Variants in LRRC3C observed in about 807,000 individuals in gnomAD.
LRRC3C encodes leucine-rich repeat-containing protein 3C.
A neutral mutation model predicts 14.8 loss-of-function variants in LRRC3C; 11 were observed. That is an observed-to-expected ratio of 0.74 (90% CI 0.47 to 1.23). The LOEUF (loss-of-function observed/expected upper bound fraction) is 1.23, where lower values mean the gene tolerates loss of function less well. LRRC3C is among the 50% of genes most tolerant of loss of function. The probability of loss-of-function intolerance (pLI) is 0.00; values close to 1 mark genes in which losing one functional copy is unlikely to be tolerated. For missense variants in LRRC3C, 354 were observed against 361.8 expected, an observed-to-expected ratio of 0.98 and a Z score of 0.18; for synonymous variants, 149 against 161.5, an observed-to-expected ratio of 0.92 and a Z score of 0.59.
intron 3 of LRRC3C, 100 bp downstream of exon 3, chr17:39,941,649 T>G: frequency 9.8e-7 from 1 of 1,018,718 alleles, no homozygotes; most frequent in Non-Finnish European, 1.5e-6. Flanking sequence ...TACAATACAA[T>G]ACCGTGGGTA....
chr17:39,934,726 T>G (rs756247373), intron 1 of LRRC3C: 1 of 152,008 alleles, frequency 6.6e-6, no homozygotes, highest in Non-Finnish European at 1.5e-5. Context: ...GAATTCAGGG[T>G]GAGTCCACAG....
intron 1 of LRRC3C, among the ~76,000 whole-genome samples, chr17:39,933,602 G>A (rs1350913070): frequency 5.9e-5 from 9 of 152,016 alleles, no homozygotes; most frequent in African/African-American, 9.7e-5. Flanking sequence ...GCGTGGTGGC[G>A]GGCGCCTGTA....
chr17:39,935,362 G>C (rs1978768114), intron 1 of LRRC3C, among the ~76,000 whole-genome samples: 1 of 152,070 alleles, frequency 6.6e-6, no homozygotes, highest in East Asian at 1.9e-4. Flanking sequence ...CCAGGCTGCT[G>C]TGACCCTGGC....
In LRRC3C at chr17:39,944,254, C is replaced by T; in HGVS notation, c.348C>T (p.Ala116=). Residue 116 remains alanine, a synonymous_variant, in exon 4 of 4, where the codon GCC becomes GCT. Transcript: ENST00000377924. ...EELDLSHNAL[A]HLSGAAFQGL... ...TGGATCTGTCCCATAATGCCCTTGC[C>T]CACCTCTCAGGGGCGGCTTTCCAGG... is the stretch of plus-strand genomic sequence containing the variant. The T allele has an allele frequency of 1.3e-6, 2 of 1,535,010 alleles. No homozygotes were observed. Among genetic ancestry groups the T allele is most frequent in the Non-Finnish European group, 1.7e-6 (2 of 1,146,350 alleles).
chr17:39,930,600 C>A (rs985558177), intron 1 of LRRC3C, among the ~76,000 whole-genome samples: 1 of 140,578 alleles, frequency 7.1e-6, no homozygotes, highest in African/African-American at 2.7e-5. Flanking sequence ...CCCAGCTACT[C>A]AGGAGGCTGA....
At position 39,944,592 on chromosome 17, in the gene LRRC3C, T is replaced by C. The variant is rs1979037921; in HGVS notation, c.686T>C (p.Met229Thr). 2 of 1,535,206 alleles carry C rather than the reference T, an allele frequency of 1.3e-6. No homozygotes were observed. The highest frequency in any genetic ancestry group is 1.4e-5 in the African/African-American group (1 of 73,070). Residue 229 changes from methionine (M) to threonine (T), a missense_variant, in exon 4 of 4, where the codon ATG becomes ACG. Physicochemically the swap from Met to Thr is moderately conservative, Grantham distance 81. Coordinates refer to ENST00000377924, the MANE Select transcript of LRRC3C (RefSeq NM_001195545.2). The stretch of plus-strand genomic sequence containing the variant: ...ACCGATGTGGCCCTGCTGGTCACCA[T>C]GGGGGGCTGGCTGACACTCATGGTG... Reference protein sequence around the residue: ...RSTDVALLVTMGGWLTLMVAY... With the variant: ...RSTDVALLVTTGGWLTLMVAY...
chr17:39,928,948 A>G (rs1978567685), intron 1 of LRRC3C, among the ~76,000 whole-genome samples: 1 of 152,182 alleles, frequency 6.6e-6, no homozygotes, highest in Non-Finnish European at 1.5e-5. Context: ...TTCCAGGGCC[A>G]ATGGCCCCAA....
In LRRC3C at chr17:39,935,812, T is replaced by C. The variant is rs56355746; in HGVS notation, c.-164T>C. 0.01 allele frequency: 9,967 copies of C among 985,278 alleles called. 650 individuals carry two copies. In the African/African-American group the frequency reaches 0.15, roughly 15 times the overall value. 61.0% of individuals were successfully genotyped at this position (985,278 alleles called of 1,614,324 possible). A position where few individuals can be genotyped will look rare whatever the true frequency, so the allele number is the denominator to read the frequency against. ...TGCTCTTTTCTACAGGGAACAACAA[T>C]AGCAGAGGCCTTTGTTGCCCTCTCC... On this transcript the variant is annotated 5_prime_UTR_variant, in exon 2 of 4. It removes the in-frame stop codon of an upstream open reading frame in the 5' UTR. Transcript: ENST00000377924.
rs1290164119 is a variant in LRRC3C at position 39,944,647 on chromosome 17, C to T, written c.741C>T (p.Asn247=). 6.5e-7 allele frequency: 1 copy of T among 1,535,864 alleles called. No homozygotes were observed. Among genetic ancestry groups the T allele is most frequent in the Non-Finnish European group, 8.7e-7 (1 of 1,146,892 alleles). The change falls in exon 4 of 4, where the codon AAC becomes AAT. Residue 247 remains asparagine (N), a synonymous_variant. Transcript: ENST00000377924. ...VAYLVHYVWQ[N]RDETRRSLKR... is the part of the protein sequence containing the mutation. ...ATCTGGTGCATTATGTGTGGCAGAA[C>T]CGAGATGAGACCAGGCGCTCCCTCA...
In LRRC3C at chr17:39,927,790, GGTC is replaced by G. The variant is rs1978523588; in HGVS notation, c.-198_-196del. The G allele has an allele frequency of 1.0e-6, 1 of 985,400 alleles. No homozygotes were observed. Among genetic ancestry groups the G allele is most frequent in the South Asian group, 4.7e-5 (1 of 21,302 alleles). 61.0% of individuals were successfully genotyped at this position (985,400 alleles called of 1,614,324 possible). ...GTTGGAAGTTGTACCGTGACGTGAT[GGTC>G]AGATCGGATGATAGAATTTTGGTGC... On this transcript the variant is annotated 5_prime_UTR_variant, in exon 1 of 4. Transcript: ENST00000377924.
chr17:39,942,074 C>G (rs111331102), intron 3 of LRRC3C, among the ~76,000 whole-genome samples: 2,073 of 152,278 alleles, frequency 0.014, 32 homozygotes, highest in African/African-American at 0.037. Context: ...TCACCTCTGC[C>G]CCTGCACAGC....
At chr17:39,935,925 A>G (rs1302146211) in intron 2 of LRRC3C, 31 bp downstream of exon 2, 4 of 960,718 alleles carry the variant, frequency 4.2e-6, no homozygotes, top group Non-Finnish European at 5.0e-6. Context: ...TTCTCTATCT[A>G]TCTATCTACC....
chr17:39,937,440 AAAAT>A (rs904910772), intron 2 of LRRC3C, among the ~76,000 whole-genome samples: 38 of 152,336 alleles, frequency 2.5e-4, no homozygotes, highest in South Asian at 6.2e-4. Flanking sequence ...CCGTCTCAAA[AAAAT>A]AAATAAATAA....
chr17:39,929,113 TC>T (rs1179601603), intron 1 of LRRC3C: 7 of 152,306 alleles, frequency 4.6e-5, no homozygotes, highest in African/African-American at 1.7e-4. Flanking sequence ...CACAGAAACC[TC>T]CCCAGCATTA....
chr17:39,931,338 C>G (rs1346699741), intron 1 of LRRC3C, among the ~76,000 whole-genome samples: 1 of 139,464 alleles, frequency 7.2e-6, no homozygotes, highest in Non-Finnish European at 1.5e-5. Flanking sequence ...CCCAGCTACT[C>G]GGGAGGCTGA....
intron 1 of LRRC3C, chr17:39,934,469 T>C (rs932071553): frequency 6.6e-6 from 1 of 152,170 alleles, no homozygotes; most frequent in Admixed American, 6.5e-5. Flanking sequence ...GGCCAGCTCC[T>C]CCCTCAGTAA....
chr17:39,927,841 C>T (rs1415912497), intron 1 of LRRC3C, 27 bp downstream of exon 1: 2 of 985,626 alleles, frequency 2.0e-6, no homozygotes, highest in East Asian at 2.3e-4. Context: ...ACTTTTGCTT[C>T]TGTGCCCTTC....
chr17:39,943,843 C>A, intron 3 of LRRC3C, 90 bp from the exon 4 acceptor site: 1 of 1,345,054 alleles, frequency 7.4e-7, no homozygotes, highest in Non-Finnish European at 1.0e-6. Context: ...CAAAAAGACT[C>A]CCCAGAGGGA....
Position 39,939,463 on chromosome 17 carries a change from G to A in LRRC3C, c.-81-1980G>A, listed in dbSNP as rs182523347. On this transcript the variant is annotated intron_variant, in intron 2 of 3. Coordinates refer to ENST00000377924, the MANE Select transcript of LRRC3C (RefSeq NM_001195545.2). ...CGTTAGACATACCTGAGGAGCTTTC[G>A]AAAGAAACCAGTGCCTAGACCCCAT... 5.6e-4 allele frequency: 529 copies of A among 943,854 alleles called. 2 individuals are homozygous for A. In the African/African-American group the frequency reaches 8.8e-3, roughly 16 times the overall value. The allele number at this position is 943,854 out of a possible 1,614,324, so 58.5% of individuals were successfully genotyped here.
Sources: allele counts gnomAD v4.1 joint callset (sites outside exome capture counted in the v4.1 genomes callset), GRCh38; gene constraint gnomAD v4.1.1; transcripts MANE v1.5; gene names NCBI Gene and HGNC (gene_info 2026-07-23, HGNC 2026-07-21).